Variants in DPYD observed in about 807,000 individuals in gnomAD.
The protein encoded by DPYD is dihydropyrimidine dehydrogenase [NADP(+)].
DPYD carries 109 observed loss-of-function variants against 116.2 expected under a neutral mutation model. The ratio of observed to expected loss-of-function variants is 0.94; its 90% CI spans 0.80 to 1.10. DPYD has a LOEUF of 1.10. Among genes scored for constraint, DPYD ranks in the 50% least tolerant of loss-of-function variants. The probability of loss-of-function intolerance (pLI) is 0.00; values close to 1 mark genes in which losing one functional copy is unlikely to be tolerated. For synonymous variants in DPYD, 440 were observed against 432.0 expected (o/e 1.02, Z -0.23); for missense variants, 1,302 against 1,254.5 (o/e 1.04, Z -0.57).
chr1:97,217,444 T>C (rs573634583), intron 19 of DPYD, among the ~76,000 whole-genome samples: 9 of 152,256 alleles, frequency 5.9e-5, no homozygotes, highest in African/African-American at 2.2e-4. Context: ...TTATCATTGA[T>C]TTTCTGTATT....
At chr1:97,790,275 C>T (rs1243301584) in intron 3 of DPYD, among the ~76,000 whole-genome samples, 1 of 152,124 alleles carries the variant, frequency 6.6e-6, no homozygotes, top group East Asian at 1.9e-4. Flanking sequence ...TTCAAGATCA[C>T]GTGCTTTTTA....
chr1:97,153,668 A>G (rs936591670), intron 20 of DPYD, among the ~76,000 whole-genome samples: 1 of 152,180 alleles, frequency 6.6e-6, no homozygotes, highest in African/African-American at 2.4e-5. Context: ...TAGACTAAAA[A>G]CTTCCTGTAT....
At chr1:97,901,891 G>A (rs554839153) in intron 1 of DPYD, among the ~76,000 whole-genome samples, 1 of 151,794 alleles carries the variant, frequency 6.6e-6, no homozygotes, top group East Asian at 1.9e-4. Flanking sequence ...AGAAATGTCA[G>A]GTAATGCTAC....
intron 8 of DPYD, among the ~76,000 whole-genome samples, chr1:97,636,127 C>A (rs1170544800): frequency 6.6e-6 from 1 of 151,870 alleles, no homozygotes; most frequent in Non-Finnish European, 1.5e-5. Context: ...AGCCATAGTC[C>A]CTCATAATTT....
chr1:97,753,700 C>T (rs374857815), intron 3 of DPYD, among the ~76,000 whole-genome samples: 3 of 151,954 alleles, frequency 2.0e-5, no homozygotes, highest in South Asian at 4.2e-4. Flanking sequence ...AGCATTTTCT[C>T]GTATGTAAAT....
At chr1:97,112,158 A>T (rs567788132) in intron 20 of DPYD, among the ~76,000 whole-genome samples, 2 of 152,200 alleles carry the variant, frequency 1.3e-5, no homozygotes, top group Admixed American at 1.3e-4. Context: ...TAATGTATTT[A>T]TTTTTTAAAA....
At chr1:97,645,689 T>C (rs1051872035) in intron 8 of DPYD, among the ~76,000 whole-genome samples, 2 of 152,134 alleles carry the variant, frequency 1.3e-5, no homozygotes, top group African/African-American at 4.8e-5. Context: ...TTTGTTGTTC[T>C]TATAAATATG....
chr1:97,150,060 C>T (rs1046867981), intron 20 of DPYD, among the ~76,000 whole-genome samples: 6 of 152,084 alleles, frequency 3.9e-5, no homozygotes, highest in East Asian at 1.9e-4. Flanking sequence ...CCACAAAGGC[C>T]GTCCTTCAGG....
At chr1:97,586,461 C>A (rs1172977230) in intron 10 of DPYD, among the ~76,000 whole-genome samples, 1 of 46,590 alleles carries the variant, frequency 2.1e-5, no homozygotes, top group South Asian at 8.9e-4. Flanking sequence ...AAAATACATA[C>A]ATACATATAT....
intron 7 of DPYD, among the ~76,000 whole-genome samples, chr1:97,687,025 A>C (rs61789253): frequency 0.13 from 19,194 of 152,084 alleles, 1,320 homozygotes; most frequent in African/African-American, 0.15. Flanking sequence ...AATCCCAGCA[A>C]TTTGGGAGGC....
At chr1:97,212,467 A>G (rs920692926) in intron 19 of DPYD, among the ~76,000 whole-genome samples, 5 of 152,046 alleles carry the variant, frequency 3.3e-5, no homozygotes, top group Non-Finnish European at 7.4e-5. Context: ...CCATTCATCA[A>G]CCTGCTAGGG....
At chr1:97,593,131 A>C in intron 10 of DPYD, 87 bp downstream of exon 10, 1 of 1,488,146 alleles carries the variant, frequency 6.7e-7, no homozygotes. Flanking sequence ...TGACAATTTC[A>C]ACATTCTAGC....
At chr1:97,224,435 T>C (rs1246652990) in intron 19 of DPYD, among the ~76,000 whole-genome samples, 1 of 152,064 alleles carries the variant, frequency 6.6e-6, no homozygotes, top group Non-Finnish European at 1.5e-5. Context: ...GTTATACATA[T>C]ACACACTCAA....
At chr1:97,693,287 T>C (rs372678088) in intron 6 of DPYD, among the ~76,000 whole-genome samples, 53 of 83,528 alleles carry the variant, frequency 6.3e-4, no homozygotes, top group African/African-American at 2.9e-3. Context: ...CCAGACTCCG[T>C]CTCAAAAAAA....
At chr1:97,872,398 C>A (rs1295792698) in intron 2 of DPYD, among the ~76,000 whole-genome samples, 1 of 151,928 alleles carries the variant, frequency 6.6e-6, no homozygotes, top group African/African-American at 2.4e-5. Context: ...AGTAACAAGG[C>A]TGATGGCTGA....
At chr1:97,529,204 T>C (rs567636693) in intron 12 of DPYD, among the ~76,000 whole-genome samples, 1 of 152,198 alleles carries the variant, frequency 6.6e-6, no homozygotes, top group Admixed American at 6.5e-5. Context: ...ATGAGCCAAG[T>C]GAACTTGTAA....
chr1:97,542,062 A>T (rs1024791275), intron 12 of DPYD, among the ~76,000 whole-genome samples: 4 of 152,194 alleles, frequency 2.6e-5, no homozygotes, highest in African/African-American at 9.6e-5. Flanking sequence ...TTAATACCAG[A>T]TCTGACACTA....
intron 1 of DPYD, among the ~76,000 whole-genome samples, chr1:97,909,081 A>T (rs1411183473): frequency 6.6e-6 from 1 of 152,042 alleles, no homozygotes; most frequent in Non-Finnish European, 1.5e-5. Flanking sequence ...ATCCTACTAT[A>T]CTTATTATTT....
chr1:97,882,928 A>G (rs993091371), intron 2 of DPYD, among the ~76,000 whole-genome samples: 2 of 152,074 alleles, frequency 1.3e-5, no homozygotes, highest in Non-Finnish European at 2.9e-5. Context: ...CAAATTTTAA[A>G]GATTTTGAAA....
Sources: allele counts gnomAD v4.1 joint callset (sites outside exome capture counted in the v4.1 genomes callset), GRCh38; gene constraint gnomAD v4.1.1; transcripts MANE v1.5; gene names NCBI Gene and HGNC (gene_info 2026-07-23, HGNC 2026-07-21).